Variants in EGFR observed in about 807,000 individuals in gnomAD.
EGFR encodes the protein avian erythroblastic leukemia viral (v-erb-b) oncogene homolog.
EGFR carries 58 observed loss-of-function variants against 143.0 expected under a neutral mutation model. The observed-to-expected ratio is 0.41, with a 90% CI of 0.33 to 0.50. The LOEUF (loss-of-function observed/expected upper bound fraction) is 0.50. Ranked by LOEUF, EGFR falls within the 20% of genes least tolerant of loss-of-function variation. The pLI is 0.39. For synonymous variants in EGFR, 613 were observed against 594.4 expected, an observed-to-expected ratio of 1.03 and a Z score of -0.45; for missense variants, 1,307 against 1,579.0, an observed-to-expected ratio of 0.83 and a Z score of 2.92.
At chr7:55,057,566 G>A (rs572396459) in intron 1 of EGFR, among the ~76,000 whole-genome samples, 8 of 152,348 alleles carry the variant, frequency 5.3e-5, no homozygotes, top group African/African-American at 1.4e-4. Flanking sequence ...TGTGAGAGGT[G>A]TGGTTTCATT....
intron 20 of EGFR, 40 bp from the exon 21 acceptor site, chr7:55,191,679 T>G (rs760785240): frequency 6.2e-7 from 1 of 1,612,396 alleles, no homozygotes; most frequent in Admixed American, 1.7e-5. Context: ...CTTCTTCCCA[T>G]GATGATCTGT....
At chr7:55,162,959 T>G (rs1160279378) in intron 13 of EGFR, among the ~76,000 whole-genome samples, 4 of 152,130 alleles carry the variant, frequency 2.6e-5, no homozygotes, top group Admixed American at 6.5e-5. Flanking sequence ...TCCAGCTAAT[T>G]TTTTGTAGTT....
chr7:55,152,489 TG>T (rs1383559335), intron 5 of EGFR, 56 bp from the exon 6 acceptor site: 1 of 1,509,764 alleles, frequency 6.6e-7, no homozygotes, highest in Non-Finnish European at 9.2e-7. Context: ...GCGACATCCC[TG>T]GGAAATGATC....
At chr7:55,162,610 G>A (rs1194738145) in intron 13 of EGFR, among the ~76,000 whole-genome samples, 3 of 152,130 alleles carry the variant, frequency 2.0e-5, no homozygotes, top group Non-Finnish European at 2.9e-5. Flanking sequence ...CGCCCACGTG[G>A]GGAGCCCCAT....
At chr7:55,190,537 A>C (rs1439755609) in intron 20 of EGFR, among the ~76,000 whole-genome samples, 1 of 152,036 alleles carries the variant, frequency 6.6e-6, no homozygotes, top group Non-Finnish European at 1.5e-5. Context: ...AATTTGCCAG[A>C]AAACTTGGGA....
chr7:55,019,135 C>A lies in EGFR; in HGVS notation c.-143C>A. 1.8e-6 allele frequency: 1 copy of A among 552,842 alleles called. No individual in the cohort carries two copies. The highest frequency in any genetic ancestry group is 2.8e-6 in the Non-Finnish European group (1 of 360,452). 34.2% of individuals were successfully genotyped at this position (552,842 alleles called of 1,614,324 possible). On this transcript the variant is annotated 5_prime_UTR_variant, in exon 1 of 28. Coordinates refer to ENST00000275493, the MANE Select transcript of EGFR (RefSeq NM_005228.5). Reference sequence around the variant, plus strand: ...CCGAGCTAGCCCCGGCGGCCGCCGCCGCCCAGACCGGACGACAGGCCACCT... The same window carrying A: ...CCGAGCTAGCCCCGGCGGCCGCCGCAGCCCAGACCGGACGACAGGCCACCT...
intron 1 of EGFR, among the ~76,000 whole-genome samples, chr7:55,135,610 G>T (rs1029284294): frequency 2.3e-4 from 35 of 152,084 alleles, no homozygotes; most frequent in African/African-American, 7.5e-4. Flanking sequence ...CAAAAGTTTT[G>T]ATTAAACCCA....
intron 1 of EGFR, among the ~76,000 whole-genome samples, chr7:55,060,592 T>C (rs61160416): frequency 0.17 from 25,659 of 152,098 alleles, 2,524 homozygotes; most frequent in African/African-American, 0.27. Context: ...TTCTTCAGTA[T>C]GGCCAAAGTG....
At chr7:55,133,008 G>A (rs150321337) in intron 1 of EGFR, among the ~76,000 whole-genome samples, 110 of 152,272 alleles carry the variant, frequency 7.2e-4, no homozygotes, top group African/African-American at 2.5e-3. Context: ...CTTCTAGGGC[G>A]ACAGCTCAAC....
At chr7:55,048,152 TA>T (rs1458800222) in intron 1 of EGFR, among the ~76,000 whole-genome samples, 3 of 152,120 alleles carry the variant, frequency 2.0e-5, no homozygotes, top group African/African-American at 7.2e-5. Flanking sequence ...AAGATGATAA[TA>T]AAAAAATCCT....
chr7:55,079,062 G>A (rs1198283100), intron 1 of EGFR, among the ~76,000 whole-genome samples: 1 of 152,258 alleles, frequency 6.6e-6, no homozygotes, highest in Non-Finnish European at 1.5e-5. Flanking sequence ...GGCCGGGCAG[G>A]CAGCAGGGAC....
intron 25 of EGFR, 84 bp from the exon 26 acceptor site, chr7:55,201,651 A>G (rs1327867968): frequency 3.9e-6 from 6 of 1,525,714 alleles, no homozygotes; most frequent in Non-Finnish European, 5.5e-6. Context: ...TATACCCTCC[A>G]TGAGGCACAC....
At chr7:55,146,430 CA>C (rs1794763793) in intron 3 of EGFR, among the ~76,000 whole-genome samples, 175 bp from the exon 4 acceptor site, 1 of 152,164 alleles carries the variant, frequency 6.6e-6, no homozygotes, top group Non-Finnish European at 1.5e-5. Flanking sequence ...TCCATGGCAC[CA>C]TCATTAACAA....
intron 1 of EGFR, among the ~76,000 whole-genome samples, chr7:55,086,042 T>G (rs1021280232): frequency 9.9e-5 from 15 of 152,196 alleles, no homozygotes; most frequent in African/African-American, 3.4e-4. Context: ...TTAACTACCT[T>G]ATGAGAGCCA....
At chr7:55,200,759 A>G (rs2128970731) in intron 24 of EGFR, 1 of 487,758 alleles carries the variant, frequency 2.1e-6, no homozygotes, top group Non-Finnish European at 3.7e-6. Flanking sequence ...CTGACTCTCC[A>G]CTTCTTCGCA....
At chr7:55,096,459 T>A (rs960648629) in intron 1 of EGFR, among the ~76,000 whole-genome samples, 3 of 152,228 alleles carry the variant, frequency 2.0e-5, no homozygotes, top group Non-Finnish European at 4.4e-5. Flanking sequence ...TGCTATCTTT[T>A]CGGCTGCCTT....
intron 1 of EGFR, among the ~76,000 whole-genome samples, chr7:55,085,408 G>C (rs1264549158): frequency 6.6e-6 from 1 of 152,206 alleles, no homozygotes; most frequent in Non-Finnish European, 1.5e-5. Flanking sequence ...GGATGCTGGT[G>C]GGCTCCAGGT....
At chr7:55,095,004 C>G (rs961456574) in intron 1 of EGFR, among the ~76,000 whole-genome samples, 3 of 152,168 alleles carry the variant, frequency 2.0e-5, no homozygotes, top group African/African-American at 7.2e-5. Flanking sequence ...TATGTCAGGG[C>G]TCTCTTATCG....
At chr7:55,146,915 G>A (rs536530115) in intron 4 of EGFR, among the ~76,000 whole-genome samples, 175 bp downstream of exon 4, 23 of 152,316 alleles carry the variant, frequency 1.5e-4, no homozygotes, top group Admixed American at 2.6e-4. Flanking sequence ...CATAGAGATC[G>A]TTTTTTTGTG....
Sources: gnomAD v4.1 joint callset for allele counts (sites outside exome capture counted in the v4.1 genomes callset) on GRCh38, gnomAD v4.1.1 for gene constraint, MANE v1.5 for transcripts, NCBI Gene and HGNC (gene_info 2026-07-23, HGNC 2026-07-21) for gene names.